Variants in GOPC observed in about 807,000 individuals in gnomAD.
GOPC encodes golgi associated PDZ and coiled-coil motif containing.
GOPC carries 32 observed loss-of-function variants against 51.2 expected under a neutral mutation model. The ratio of observed to expected loss-of-function variants is 0.63; its 90% CI spans 0.47 to 0.84. GOPC has a LOEUF of 0.84. GOPC is among the 40% of genes least tolerant of loss of function. The probability of loss-of-function intolerance (pLI) is 0.00; values close to 1 mark genes in which losing one functional copy is unlikely to be tolerated. For missense variants in GOPC, 441 were observed against 555.5 expected (o/e 0.79, Z 2.07); for synonymous variants, 190 against 205.1 (o/e 0.93, Z 0.63).
intron 2 of GOPC, 135 bp from the exon 3 acceptor site, chr6:117,577,606 T>C (rs1779901621): frequency 1.5e-6 from 1 of 656,062 alleles, no homozygotes; most frequent in South Asian, 2.2e-5. Flanking sequence ...ACAAATATAT[T>C]TGCAATCTAT....
In GOPC at chr6:117,586,475, CTTTTTTTT is replaced by C. The variant is rs869148559; in HGVS notation, c.286-7419_286-7412del. On this transcript the variant is annotated intron_variant, in intron 1 of 8. Coordinates refer to ENST00000368498, the MANE Select transcript of GOPC (RefSeq NM_020399.4). ...TTTAAAAGAATGCATCACAGAGATT[CTTTTTTTT>C]TTTTTTTTTTTTTTTGAGATGGAGT... Among the ~76,000 whole-genome samples the C allele has an allele frequency of 7.4e-4, 68 of 91,930 alleles. No individual in the cohort carries two copies. The East Asian group carries it at 7.6e-3, about 10-fold the overall frequency. 60.3% of individuals were successfully genotyped at this position (91,930 alleles called of 152,430 possible). A position where few individuals can be genotyped will look rare whatever the true frequency, so the allele number is the denominator to read the frequency against.
chr6:117,584,875 T>C (rs1378545200), intron 1 of GOPC, among the ~76,000 whole-genome samples: 2 of 151,316 alleles, frequency 1.3e-5, no homozygotes, highest in African/African-American at 4.9e-5. Flanking sequence ...GTCTGTGACC[T>C]CCCCCACCTT....
At position 117,601,950 on chromosome 6, in the gene GOPC, C is replaced by T. The variant is rs192907248; in HGVS notation, c.285+54G>A. On this transcript the variant is annotated intron_variant, in intron 1 of 8. Transcript: ENST00000368498. ...CACTGGAGCGTTAAATGGCATCTGACGCCACCGGGCAGCCTGGGGTTGGAT... is the reference window on the plus strand; with the variant it reads ...CACTGGAGCGTTAAATGGCATCTGATGCCACCGGGCAGCCTGGGGTTGGAT... 7.2e-5 allele frequency: 114 copies of T among 1,581,090 alleles called. 2 individuals carry two copies. In the East Asian group the frequency reaches 2.3e-3, roughly 31 times the overall value.
chr6:117,601,933 C>A (rs970688374), intron 1 of GOPC, 71 bp downstream of exon 1: 1 of 1,519,128 alleles, frequency 6.6e-7, no homozygotes, highest in Non-Finnish European at 9.0e-7. Flanking sequence ...TTCACTGGAG[C>A]GTTAAATGGC....
chr6:117,561,256 C>A lies in GOPC; in HGVS notation c.*1998G>T, dbSNP rs1779578715. The A allele has an allele frequency of 9.0e-6, 2 of 223,382 alleles. No homozygotes were observed. 13.8% of individuals were successfully genotyped at this position (223,382 alleles called of 1,614,324 possible). ...CACAGTGACCTCATAAAAATTCCAA[C>A]TTGAAGTTTTAAAAAACCACCTCTT... On this transcript the variant is annotated 3_prime_UTR_variant, in exon 9 of 9. Coordinates refer to ENST00000368498, the MANE Select transcript of GOPC (RefSeq NM_020399.4).
At chr6:117,581,932 C>T (rs945781463) in intron 1 of GOPC, among the ~76,000 whole-genome samples, 1 of 152,088 alleles carries the variant, frequency 6.6e-6, no homozygotes, top group Non-Finnish European at 1.5e-5. Flanking sequence ...GAAAAGGTCA[C>T]TTTTCCAAGT....
Position 117,601,934 on chromosome 6 carries a change from G to A in GOPC, c.285+70C>T. On this transcript the variant is annotated intron_variant, in intron 1 of 8. Transcript: ENST00000368498. ...TTTTCTAGGGTCGTTTCACTGGAGC[G>A]TTAAATGGCATCTGACGCCACCGGG... 4 of 1,536,042 alleles carry A rather than the reference G, an allele frequency of 2.6e-6. No individual in the cohort carries two copies. In the Admixed American group the frequency reaches 5.4e-5, roughly 21 times the overall value.
intron 7 of GOPC, among the ~76,000 whole-genome samples, chr6:117,568,161 C>T (rs1321707371): frequency 2.0e-5 from 3 of 151,940 alleles, no homozygotes; most frequent in Non-Finnish European, 4.4e-5. Context: ...AATTGTGCCA[C>T]TGCACTCCAG....
intron 1 of GOPC, among the ~76,000 whole-genome samples, chr6:117,585,243 T>C (rs1780013164): frequency 6.6e-6 from 1 of 152,212 alleles, no homozygotes; most frequent in Non-Finnish European, 1.5e-5. Flanking sequence ...ACCTGTATTA[T>C]TTTCTAAGAA....
intron 8 of GOPC, 138 bp from the exon 9 acceptor site, chr6:117,563,522 G>A: frequency 1.4e-6 from 1 of 700,492 alleles, no homozygotes; most frequent in Non-Finnish European, 2.4e-6. Flanking sequence ...AGGGGTTCGA[G>A]ACCAGCCTGG....
chr6:117,602,006 C>T lies in GOPC; in HGVS notation c.283G>A (p.Glu95Lys), dbSNP rs1164684169. The T allele has an allele frequency of 6.2e-7, 1 of 1,613,874 alleles. No homozygotes were observed. The highest frequency in any genetic ancestry group is 8.5e-7 in the Non-Finnish European group (1 of 1,179,902). Reference protein sequence around the residue: ...QSVSQINHKLEAQLVDLKSEL... With the variant: ...QSVSQINHKLKAQLVDLKSEL... Reference sequence around the variant, plus strand: ...AGCCGCCAGCACCCACGGCTCACCTCCAGCTTGTGGTTGATTTGAGACACA... The same window carrying T: ...AGCCGCCAGCACCCACGGCTCACCTTCAGCTTGTGGTTGATTTGAGACACA... Residue 95 changes from glutamate (E) to lysine (K), a missense_variant and splice_region_variant, in exon 1 of 9, where the codon GAG (glutamate) becomes AAG (lysine). Around this residue, in one of 3 missense-constraint regions of GOPC, gnomAD observed 204 missense variants for 219.8 expected, o/e 0.93. Transcript: ENST00000368498.
rs1195412004 is a variant in GOPC, at chr6:117,562,488, T to C, written c.*766A>G. On this transcript the variant is annotated 3_prime_UTR_variant, in exon 9 of 9. Transcript: ENST00000368498. Reference sequence around the variant, plus strand: ...GCATTTGAGGCTCAACATGAATGGGTAAATGCTCCAGTACTGCGCACACAG... The same window carrying C: ...GCATTTGAGGCTCAACATGAATGGGCAAATGCTCCAGTACTGCGCACACAG... The C allele has an allele frequency of 9.8e-6, 2 of 203,550 alleles. No individual in the cohort carries two copies. The highest frequency in any genetic ancestry group is 2.0e-5 in the Non-Finnish European group (2 of 99,370). 12.6% of individuals were successfully genotyped at this position (203,550 alleles called of 1,614,324 possible). A position where few individuals can be genotyped will look rare whatever the true frequency, so the allele number is the denominator to read the frequency against.
chr6:117,592,094 C>T (rs552489362), intron 1 of GOPC, among the ~76,000 whole-genome samples: 18 of 152,278 alleles, frequency 1.2e-4, no homozygotes, highest in African/African-American at 3.8e-4. Context: ...AGGCTGGGCA[C>T]GGTGGCTCAC....
chr6:117,564,226 T>C (rs542777234), intron 8 of GOPC, among the ~76,000 whole-genome samples: 8 of 152,326 alleles, frequency 5.3e-5, no homozygotes, highest in African/African-American at 1.9e-4. Context: ...TCCTCCTGCC[T>C]TGGCCTCCCA....
chr6:117,600,724 G>A (rs1771988617), intron 1 of GOPC, among the ~76,000 whole-genome samples: 1 of 152,164 alleles, frequency 6.6e-6, no homozygotes, highest in South Asian at 2.1e-4. Flanking sequence ...TTCACTATCT[G>A]AGAAAAATAG....
intron 1 of GOPC, among the ~76,000 whole-genome samples, chr6:117,580,430 G>C (rs1779941125): frequency 6.6e-6 from 1 of 151,962 alleles, no homozygotes; most frequent in Non-Finnish European, 1.5e-5. Context: ...CTAGGAAAAT[G>C]TTATTATCGA....
At chr6:117,565,605 A>G (rs183168943) in intron 8 of GOPC, among the ~76,000 whole-genome samples, 17 of 152,318 alleles carry the variant, frequency 1.1e-4, no homozygotes, top group African/African-American at 3.6e-4. Flanking sequence ...AAAAAATCAC[A>G]TTCATTAATA....
chr6:117,572,322 T>G (rs1285964757), intron 5 of GOPC, among the ~76,000 whole-genome samples: 2 of 152,138 alleles, frequency 1.3e-5, no homozygotes, highest in Non-Finnish European at 2.9e-5. Context: ...CCCTCCTGAT[T>G]ATAATCCTCT....
chr6:117,565,667 A>C (rs1445970525), intron 8 of GOPC, among the ~76,000 whole-genome samples: 1 of 152,206 alleles, frequency 6.6e-6, no homozygotes, highest in Non-Finnish European at 1.5e-5. Flanking sequence ...TGTCAAGCTC[A>C]TGGTGATCAA....
Sources: allele counts gnomAD v4.1 joint callset (sites outside exome capture counted in the v4.1 genomes callset), GRCh38; gene constraint gnomAD v4.1.1; regional missense constraint gnomAD v4.1.1; transcripts MANE v1.5; gene names NCBI Gene and HGNC (gene_info 2026-07-23, HGNC 2026-07-21).